Variants in TMEM150B observed in about 807,000 individuals in gnomAD.
TMEM150B encodes modulator of macroautophagy TMEM150B.
Under a neutral mutation model 25.2 loss-of-function variants are expected in TMEM150B, and 33 were observed. That is an observed-to-expected ratio of 1.31 (90% CI 0.99 to 1.75). The LOEUF is 1.75. TMEM150B is among the 40% of genes most tolerant of loss of function. The pLI is 0.00. For missense variants in TMEM150B, 322 were observed against 306.1 expected (o/e 1.05, Z -0.39); for synonymous variants, 133 against 134.8 (o/e 0.99, Z 0.09).
At chr19:55,315,500 A>G (rs11882930) in intron 7 of TMEM150B, among the ~76,000 whole-genome samples, 79,762 of 151,718 alleles carry the variant, frequency 0.53, 22,100 homozygotes, top group African/African-American at 0.67. Flanking sequence ...GGTGGCTCAC[A>G]CCTGTAATCC....
At chr19:55,324,515 G>A (rs1424866158) in intron 1 of TMEM150B, among the ~76,000 whole-genome samples, 1 of 152,086 alleles carries the variant, frequency 6.6e-6, no homozygotes, top group African/African-American at 2.4e-5. Context: ...GGGTGTGGTG[G>A]CAGGCACCTG....
chr19:55,316,637 C>A, intron 7 of TMEM150B, 149 bp downstream of exon 7: 1 of 835,788 alleles, frequency 1.2e-6, no homozygotes. Flanking sequence ...ACCCCGAAGT[C>A]GGCATTCTCG....
At chr19:55,313,975 G>A (rs2088904692) in intron 7 of TMEM150B, among the ~76,000 whole-genome samples, 1 of 152,202 alleles carries the variant, frequency 6.6e-6, no homozygotes, top group Non-Finnish European at 1.5e-5. Flanking sequence ...CAAGGTGGGA[G>A]GATTGCCTGA....
At chr19:55,319,067 T>G (rs1303361558) in intron 6 of TMEM150B, among the ~76,000 whole-genome samples, 1 of 152,118 alleles carries the variant, frequency 6.6e-6, no homozygotes, top group East Asian at 1.9e-4. Flanking sequence ...AGTCCTGGGA[T>G]TACAGGCATG....
chr19:55,315,392 G>A (rs543110620), intron 7 of TMEM150B, among the ~76,000 whole-genome samples: 2 of 152,052 alleles, frequency 1.3e-5, no homozygotes, highest in South Asian at 4.2e-4. Flanking sequence ...AGAACTTTGG[G>A]AGGCCAAGGC....
At chr19:55,321,461 G>A in intron 2 of TMEM150B, among the ~76,000 whole-genome samples, 1 of 152,064 alleles carries the variant, frequency 6.6e-6, no homozygotes, top group East Asian at 1.9e-4. Flanking sequence ...GGCTCAGACA[G>A]GCCAAGGCAG....
At position 55,312,988 on chromosome 19, in the gene TMEM150B, C is replaced by T. The variant is rs759160824; in HGVS notation, c.573G>A (p.Leu191=). 3.1e-6 allele frequency: 5 copies of T among 1,613,666 alleles called. No individual in the cohort carries two copies. In the South Asian group the frequency reaches 4.4e-5, roughly 14 times the overall value. The part of the protein sequence containing the change: ...SAACEWVVAM[L]LFALFGLLAV... ...CTAAGAGACCGAAGAGCGCGAACAG[C>T]AGCATGGCCACGACCCACTCGCAGG... The change falls in exon 8 of 8, where the codon CTG becomes CTA. Residue 191 remains leucine, a synonymous_variant. Transcript: ENST00000326652.
chr19:55,316,670 CAA>C lies in TMEM150B; in HGVS notation c.505+114_505+115del, dbSNP rs942341340. ...TCGATGACAAAGCCATAATCCTGTG[CAA>C]AGAGTGAGGCCCAGAGAAAGGAAGA... On this transcript the variant is annotated intron_variant, in intron 7 of 7. Coordinates refer to ENST00000326652, the MANE Select transcript of TMEM150B (RefSeq NM_001282011.2). The C allele has an allele frequency of 5.3e-6, 6 of 1,141,542 alleles. No homozygotes were observed. In the African/African-American group the frequency reaches 9.8e-5, roughly 19 times the overall value. The allele number at this position is 1,141,542 out of a possible 1,614,324, so 70.7% of individuals were successfully genotyped here.
downstream of TMEM150B, chr19:55,312,016 GC>G: frequency 4.6e-6 from 7 of 1,515,396 alleles, no homozygotes; most frequent in Admixed American, 4.4e-5. Flanking sequence ...CCCCGCCGAG[GC>G]CCCCCCAAGG....
chr19:55,311,123 G>A (rs7252420), downstream of TMEM150B, among the ~76,000 whole-genome samples: 2,821 of 151,992 alleles, frequency 0.019, 92 homozygotes, highest in African/African-American at 0.065. Flanking sequence ...CACCACACCC[G>A]GCTAATTTTT....
At chr19:55,321,766 C>G (rs1377603598) in intron 2 of TMEM150B, among the ~76,000 whole-genome samples, 1 of 152,134 alleles carries the variant, frequency 6.6e-6, no homozygotes, top group Non-Finnish European at 1.5e-5. Flanking sequence ...TATTCTTCTC[C>G]AGCTCCTGAT....
downstream of TMEM150B, chr19:55,311,982 C>A (rs749161942): frequency 6.3e-7 from 1 of 1,583,918 alleles, no homozygotes; most frequent in South Asian, 1.1e-5. Context: ...ACCCGGCCGC[C>A]CAGACCCAGA....
intron 7 of TMEM150B, 40 bp from the exon 8 acceptor site, chr19:55,313,095 C>G: frequency 6.4e-7 from 1 of 1,555,828 alleles, no homozygotes. Flanking sequence ...CCGTGACAGA[C>G]GCGGAGCCCG....
chr19:55,313,162 C>T lies in TMEM150B; in HGVS notation c.506-107G>A, dbSNP rs2088865516. On this transcript the variant is annotated intron_variant, in intron 7 of 7. Coordinates refer to ENST00000326652, the MANE Select transcript of TMEM150B (RefSeq NM_001282011.2). ...GAGGCCGTCTCTGGGTGTCCCCATC[C>T]TCAGCTCTCCCCTTCCCCCGTAGCT... is the stretch of plus-strand genomic sequence containing the variant. 6 of 1,165,428 alleles carry T rather than the reference C, an allele frequency of 5.1e-6. No individual in the cohort carries two copies. The South Asian group carries it at 7.7e-5, about 15-fold the overall frequency. The allele number at this position is 1,165,428 out of a possible 1,614,324, so 72.2% of individuals were successfully genotyped here.
chr19:55,312,208 C>A (rs538355200), downstream of TMEM150B: 23 of 469,532 alleles, frequency 4.9e-5, no homozygotes, highest in African/African-American at 3.9e-4. Context: ...AGGGATGGGG[C>A]TCCACAGGCC....
At chr19:55,324,860 C>A (rs1473711766) in intron 1 of TMEM150B, 1 of 985,280 alleles carries the variant, frequency 1.0e-6, no homozygotes, top group Non-Finnish European at 1.2e-6. Flanking sequence ...TCAGGGGAAT[C>A]CCTGTCTGTG....
chr19:55,310,552 C>G (rs2088762188), downstream of TMEM150B, among the ~76,000 whole-genome samples: 1 of 151,990 alleles, frequency 6.6e-6, no homozygotes, highest in African/African-American at 2.4e-5. The surrounding 1 kb of genome is among the most constrained non-coding windows in gnomAD (Gnocchi z 5.0). Flanking sequence ...TAGCCCAACC[C>G]CCTAGGGACA....
chr19:55,320,245 C>T lies in TMEM150B; in HGVS notation c.197-79G>A, dbSNP rs1391659916. On this transcript the variant is annotated intron_variant, in intron 5 of 7. Coordinates refer to ENST00000326652, the MANE Select transcript of TMEM150B (RefSeq NM_001282011.2). ...GACCCAGGGAGGGAAGTGAGGGGAG[C>T]AAGGTGAGGGAGAAAGTGGCAAACT... 9 of 1,554,256 alleles carry T rather than the reference C, an allele frequency of 5.8e-6. No homozygotes were observed. In the East Asian group the frequency reaches 1.8e-4, roughly 31 times the overall value.
At chr19:55,314,998 C>G (rs949006301) in intron 7 of TMEM150B, among the ~76,000 whole-genome samples, 5 of 152,082 alleles carry the variant, frequency 3.3e-5, no homozygotes, top group African/African-American at 1.2e-4. Flanking sequence ...TCCTTTCTCT[C>G]ACTCTACACT....
Sources: gnomAD v4.1 joint callset for allele counts (sites outside exome capture counted in the v4.1 genomes callset) on GRCh38, gnomAD v4.1.1 for gene constraint, Gnocchi (gnomAD v3.1) non-coding constraint, MANE v1.5 for transcripts, NCBI Gene and HGNC (gene_info 2026-07-23, HGNC 2026-07-21) for gene names.